Variants in DMTN observed in about 807,000 individuals in gnomAD.
The protein encoded by DMTN is dematin.
A neutral mutation model predicts 59.4 loss-of-function variants in DMTN; 27 were observed. The observed-to-expected ratio is 0.45, with a 90% confidence interval of 0.33 to 0.63. The LOEUF (loss-of-function observed/expected upper bound fraction) is 0.63. Among genes scored for constraint, DMTN ranks in the 20% least tolerant of loss-of-function variants. DMTN has a pLI of 0.02. For missense variants in DMTN, 451 were observed against 528.9 expected (o/e 0.85, Z 1.45); for synonymous variants, 221 against 203.7 (o/e 1.08, Z -0.72).
chr8:22,052,640 T>TGTTCTTTGG (rs1455965209), upstream of DMTN, among the ~76,000 whole-genome samples: 1 of 152,230 alleles, frequency 6.6e-6, no homozygotes, highest in Non-Finnish European at 1.5e-5. Flanking sequence ...GGTGGGACTT[T>TGTTCTTTGG]TGGAAAACCC....
chr8:22,074,335 G>A (rs1818128576), intron 10 of DMTN, among the ~76,000 whole-genome samples: 2 of 152,270 alleles, frequency 1.3e-5, no homozygotes, highest in South Asian at 4.1e-4. Context: ...ATACAGTGGT[G>A]CACTCTCAGC....
chr8:22,054,713 G>C (rs931209094), upstream of DMTN: 4 of 152,812 alleles, frequency 2.6e-5, no homozygotes, highest in Non-Finnish European at 5.8e-5. Flanking sequence ...GGAAGTGGGG[G>C]GATGGGGTAC....
rs755824963 is a variant in DMTN, at chr8:22,081,107, C to A, written c.1024-6C>A. On this transcript the variant is annotated splice_polypyrimidine_tract_variant and splice_region_variant and intron_variant, in intron 14 of 15. Transcript: ENST00000358242. Reference sequence around the variant, plus strand: ...AGCCTAAGATTGCCCCTCCCCCCACCCCCAGATCTATCCCTATGAAATGCT... The same window carrying A: ...AGCCTAAGATTGCCCCTCCCCCCACACCCAGATCTATCCCTATGAAATGCT... The A allele has an allele frequency of 1.9e-6, 2 of 1,055,898 alleles. No individual in the cohort carries two copies. Among genetic ancestry groups the A allele is most frequent in the Non-Finnish European group, 1.4e-6 (1 of 715,944 alleles). The allele number at this position is 1,055,898 out of a possible 1,614,324, so 65.4% of individuals were successfully genotyped here.
chr8:22,069,075 C>T lies in DMTN; in HGVS notation c.294+15C>T, dbSNP rs369478888. On this transcript the variant is annotated intron_variant, in intron 5 of 15. Transcript: ENST00000358242. The stretch of plus-strand genomic sequence containing the variant: ...CATCCCCAGAGGTGAGTCTGCCCCA[C>T]ACCTGCAACTTGCCCTGCCCTGCCC... 2.6e-5 allele frequency: 42 copies of T among 1,610,496 alleles called. No homozygotes were observed. The East Asian group carries it at 4.0e-4, about 15-fold the overall frequency.
At position 22,066,824 on chromosome 8, in the gene DMTN, C is replaced by G; in HGVS notation, c.-52C>G. The G allele has an allele frequency of 7.0e-7, 1 of 1,423,914 alleles. No individual in the cohort carries two copies. The highest frequency in any genetic ancestry group is 9.2e-7 in the Non-Finnish European group (1 of 1,086,786). The allele number at this position is 1,423,914 out of a possible 1,614,324, so 88.2% of individuals were successfully genotyped here. A position where few individuals can be genotyped will look rare whatever the true frequency, so the allele number is the denominator to read the frequency against. On this transcript the variant is annotated 5_prime_UTR_variant, in exon 2 of 16. Transcript: ENST00000358242. ...CGCCGAGCCTGACACGCTGTCCTCT[C>G]CCCTCGCGCACAGGGCTCTGCGAGT...
chr8:22,062,903 C>T (rs1316294019), intron 1 of DMTN, among the ~76,000 whole-genome samples: 5 of 151,856 alleles, frequency 3.3e-5, no homozygotes, highest in South Asian at 4.1e-4. Context: ...GACTTCCTGG[C>T]CCCTGCGAGC....
chr8:22,075,757 G>T (rs1406464161), intron 10 of DMTN, among the ~76,000 whole-genome samples: 1 of 152,150 alleles, frequency 6.6e-6, no homozygotes, highest in Non-Finnish European at 1.5e-5. Context: ...GACCTCAGGT[G>T]ATCCACCTGC....
intron 1 of DMTN, among the ~76,000 whole-genome samples, chr8:22,062,641 C>G (rs1807448922): frequency 1.3e-5 from 2 of 152,114 alleles, no homozygotes. Flanking sequence ...GGCCATTCCC[C>G]CTGGCTGTAC....
chr8:22,079,255 A>AAAT (rs1355039436), intron 10 of DMTN, among the ~76,000 whole-genome samples: 14,901 of 83,182 alleles, frequency 0.18, 2,872 homozygotes, highest in East Asian at 0.35. Flanking sequence ...ACAAAAAATA[A>AAAT]AAATAAATAA....
At chr8:22,065,772 T>C (rs1262010732) in intron 1 of DMTN, among the ~76,000 whole-genome samples, 1 of 145,952 alleles carries the variant, frequency 6.9e-6, no homozygotes, top group Non-Finnish European at 1.5e-5. Flanking sequence ...GAGGCGGAGG[T>C]TGCAGTGAAC....
In DMTN at chr8:22,067,090, A is replaced by G; in HGVS notation, c.24A>G (p.Pro8=). The part of the protein sequence containing the change: MERLQKQ[P]LTSPGSVSPS... ...CGCCTTCTCGCTCTCCCCAGCAACC[A>G]CTTACCTCCCCCGGGAGCGTGAGCC... is the stretch of plus-strand genomic sequence containing the variant. Residue 8 remains proline (P), a synonymous_variant, in exon 3 of 16, where the codon CCA becomes CCG. Coordinates refer to ENST00000358242, the MANE Select transcript of DMTN (RefSeq NM_001387751.1). The G allele has an allele frequency of 1.4e-6, 2 of 1,465,468 alleles. No individual in the cohort carries two copies. The highest frequency in any genetic ancestry group is 1.8e-6 in the Non-Finnish European group (2 of 1,096,662). 90.8% of individuals were successfully genotyped at this position (1,465,468 alleles called of 1,614,324 possible).
intron 10 of DMTN, among the ~76,000 whole-genome samples, chr8:22,075,088 G>C (rs548262010): frequency 1.3e-5 from 2 of 151,604 alleles, no homozygotes; most frequent in Non-Finnish European, 2.9e-5. Context: ...TCAGGAGGCC[G>C]AGGCAGGAGA....
At chr8:22,049,606 A>AT (rs1801136489), upstream of DMTN, among the ~76,000 whole-genome samples, 1 of 125,582 alleles carries the variant, frequency 8.0e-6, no homozygotes, top group African/African-American at 2.9e-5. Context: ...TCAGCTCTTC[A>AT]GGGGGAACAC....
chr8:22,081,181 G>A lies in DMTN; in HGVS notation c.1092G>A (p.Arg364=). ...GRTKLPPGVD[R]MRLERHLSAE... ...CCAAGCTGCCACCGGGGGTGGATCG[G>A]ATGCGGCTTGAGGTAGGCAAGGAAG... The change falls in exon 15 of 16, where the codon CGG becomes CGA. Residue 364 remains arginine (R), a synonymous_variant. Transcript: ENST00000358242. 1.9e-6 allele frequency: 3 copies of A among 1,613,448 alleles called. No individual in the cohort carries two copies. The highest frequency in any genetic ancestry group is 2.5e-6 in the Non-Finnish European group (3 of 1,179,878).
intron 15 of DMTN, 44 bp from the exon 16 acceptor site, chr8:22,081,306 C>A (rs1303001645): frequency 6.3e-7 from 1 of 1,595,284 alleles, no homozygotes; most frequent in Non-Finnish European, 8.6e-7. Context: ...CTGGGCACAG[C>A]CCCCTCCCCC....
At chr8:22,075,461 G>A (rs1218098248) in intron 10 of DMTN, among the ~76,000 whole-genome samples, 1 of 149,644 alleles carries the variant, frequency 6.7e-6, no homozygotes, top group African/African-American at 2.5e-5. Context: ...TGATCCTCCT[G>A]CCTCGGCCTC....
At chr8:22,075,206 A>C in intron 10 of DMTN, among the ~76,000 whole-genome samples, 1 of 151,330 alleles carries the variant, frequency 6.6e-6, no homozygotes, top group Non-Finnish European at 1.5e-5. Flanking sequence ...AAAAAGAAAA[A>C]AGCCTAAGAG....
chr8:22,067,659 G>T lies in DMTN; in HGVS notation c.226G>T (p.Val76Leu), dbSNP rs534685259. 1.9e-6 allele frequency: 3 copies of T among 1,613,912 alleles called. No individual in the cohort carries two copies. Among genetic ancestry groups the T allele is most frequent in the South Asian group, 2.2e-5 (2 of 91,090 alleles). ...PHFTYSLLEH[V>L]ELPRSRERSL... ...CTTCACTTATTCCCTCCTGGAACAC[G>T]TGGAGCTGCCTCGCAGCCGCGAGGT... is the stretch of plus-strand genomic sequence containing the variant. Residue 76 changes from valine (V) to leucine (L), a missense_variant, in exon 4 of 16, where the codon GTG becomes TTG. Transcript: ENST00000358242.
intron 10 of DMTN, among the ~76,000 whole-genome samples, chr8:22,076,544 G>A (rs1027087779): frequency 2.0e-5 from 3 of 151,886 alleles, no homozygotes; most frequent in Admixed American, 2.0e-4. Flanking sequence ...AGTCTAACCT[G>A]GGTGACAGAG....
Sources: allele counts gnomAD v4.1 joint callset (sites outside exome capture counted in the v4.1 genomes callset), GRCh38; gene constraint gnomAD v4.1.1; transcripts MANE v1.5; gene names NCBI Gene and HGNC (gene_info 2026-07-23, HGNC 2026-07-21).